Variants in IMPG1 observed in about 807,000 individuals in gnomAD.
IMPG1 encodes interphotoreceptor matrix proteoglycan of 150 kDa.
IMPG1 carries 85 observed loss-of-function variants against 92.0 expected under a neutral mutation model. The observed-to-expected ratio is 0.92, with a 90% CI of 0.78 to 1.11. IMPG1 has a LOEUF of 1.11. Ranked by LOEUF, IMPG1 falls within the 50% of genes least tolerant of loss-of-function variation. The pLI, the probability that IMPG1 is intolerant of heterozygous loss-of-function variation, is 0.00. For missense variants in IMPG1, 1,022 were observed against 956.0 expected, an observed-to-expected ratio of 1.07 and a Z score of -0.91; for synonymous variants, 367 against 334.1, an observed-to-expected ratio of 1.10 and a Z score of -1.08.
intron 12 of IMPG1, among the ~76,000 whole-genome samples, chr6:75,991,203 AAC>A (rs1782808093): frequency 6.6e-6 from 1 of 152,146 alleles, no homozygotes; most frequent in South Asian, 2.1e-4. Context: ...CTATCCTGGT[AAC>A]ACAGTGAAAC....
chr6:76,023,383 A>G (rs1783467698), intron 5 of IMPG1, among the ~76,000 whole-genome samples: 1 of 152,250 alleles, frequency 6.6e-6, no homozygotes, highest in African/African-American at 2.4e-5. Flanking sequence ...ACAATAAAAA[A>G]GTACTTAGCT....
intron 13 of IMPG1, among the ~76,000 whole-genome samples, chr6:75,949,856 T>A (rs1344536832): frequency 6.6e-6 from 1 of 152,178 alleles, no homozygotes; most frequent in African/African-American, 2.4e-5. Context: ...AGTATAAAAT[T>A]TTTTATTTAT....
intron 12 of IMPG1, among the ~76,000 whole-genome samples, chr6:75,962,965 T>C (rs933191739): frequency 1.3e-5 from 2 of 151,506 alleles, no homozygotes; most frequent in African/African-American, 4.9e-5. Flanking sequence ...CACTTGAACC[T>C]GGGAGGCGGA....
intron 12 of IMPG1, among the ~76,000 whole-genome samples, chr6:75,994,264 T>G (rs1198080930): frequency 6.6e-6 from 1 of 152,218 alleles, no homozygotes; most frequent in Non-Finnish European, 1.5e-5. Context: ...CATGCATAGC[T>G]GCCTCTAGCT....
chr6:76,072,141 T>C (rs559061431), intron 1 of IMPG1, among the ~76,000 whole-genome samples: 14 of 152,284 alleles, frequency 9.2e-5, no homozygotes, highest in South Asian at 2.1e-4. Context: ...TTTACATTAA[T>C]AATAAGAATT....
chr6:75,999,872 T>C (rs1782959798), intron 12 of IMPG1, among the ~76,000 whole-genome samples: 1 of 152,206 alleles, frequency 6.6e-6, no homozygotes, highest in Non-Finnish European at 1.5e-5. Flanking sequence ...GCAAAATCAA[T>C]TCTTGAATTA....
chr6:75,924,438 TTA>T (rs1781486152), intron 15 of IMPG1, among the ~76,000 whole-genome samples: 1 of 112,884 alleles, frequency 8.9e-6, no homozygotes, highest in Admixed American at 1.4e-4. Context: ...ATTAATATAA[TTA>T]TATAATATAA....
intron 12 of IMPG1, among the ~76,000 whole-genome samples, chr6:75,990,084 G>C (rs772213819): frequency 1.3e-5 from 2 of 152,086 alleles, no homozygotes; most frequent in African/African-American, 2.4e-5. Context: ...AAAACAAATA[G>C]ATGTATTCAT....
chr6:75,928,155 A>G (rs1436791751), intron 15 of IMPG1, among the ~76,000 whole-genome samples: 1 of 152,052 alleles, frequency 6.6e-6, no homozygotes, highest in African/African-American at 2.4e-5. Context: ...ACTTTAATCC[A>G]GCCTGTTCAT....
At chr6:76,019,783 C>T (rs1468305118) in intron 6 of IMPG1, among the ~76,000 whole-genome samples, 1 of 152,140 alleles carries the variant, frequency 6.6e-6, no homozygotes, top group African/African-American at 2.4e-5. Flanking sequence ...AGAAGTATTC[C>T]ATTTTGTTAG....
intron 12 of IMPG1, among the ~76,000 whole-genome samples, 160 bp from the exon 13 acceptor site, chr6:75,951,254 A>G (rs527274191): frequency 1.3e-5 from 2 of 152,162 alleles, no homozygotes; most frequent in East Asian, 3.9e-4. Context: ...AGAAATTGGA[A>G]CAGAAAGGGC....
rs1783078951 is a variant in IMPG1 at position 76,005,444 on chromosome 6, A to T, written c.978T>A (p.Asp326Glu). 1 of 1,613,928 alleles carries T rather than the reference A, an allele frequency of 6.2e-7. No homozygotes were observed. The highest frequency in any genetic ancestry group is 8.5e-7 in the Non-Finnish European group (1 of 1,179,994). Reference sequence around the variant, plus strand: ...CTTCCTCACTTTCAATTTTGTTGGAATCAAAAGACAGGAGGTCACTTGCAG... The same window carrying T: ...CTTCCTCACTTTCAATTTTGTTGGATTCAAAAGACAGGAGGTCACTTGCAG... ...KSPASDLLSF[D>E]SNKIESEEVY... The change falls in exon 10 of 17, where the codon GAT becomes GAA. Residue 326 changes from aspartate (D) to glutamate (E), a missense_variant. Physicochemically the swap from Asp to Glu is conservative, Grantham distance 45. Around this residue, in one of 3 missense-constraint regions of IMPG1, gnomAD observed 681 missense variants for 583.6 expected, o/e 1.17. Transcript: ENST00000369950.
chr6:76,043,944 T>C (rs1783889453), intron 1 of IMPG1, among the ~76,000 whole-genome samples: 1 of 152,198 alleles, frequency 6.6e-6, no homozygotes, highest in Non-Finnish European at 1.5e-5. Flanking sequence ...GCCTTTCCCT[T>C]AGGTTTGGCT....
chr6:76,020,765 G>A (rs998690701), intron 6 of IMPG1, among the ~76,000 whole-genome samples: 4 of 152,124 alleles, frequency 2.6e-5, no homozygotes, highest in Admixed American at 2.0e-4. Context: ...AAGGGGTTTG[G>A]GGAGTCATGC....
At chr6:75,922,527 C>A (rs765887849) in intron 16 of IMPG1, among the ~76,000 whole-genome samples, 1 of 152,154 alleles carries the variant, frequency 6.6e-6, no homozygotes, top group Non-Finnish European at 1.5e-5. Flanking sequence ...ACACAGAAAT[C>A]CACATAGCCA....
chr6:75,952,414 T>C (rs1381330103), intron 12 of IMPG1, among the ~76,000 whole-genome samples: 1 of 152,140 alleles, frequency 6.6e-6, no homozygotes, highest in East Asian at 1.9e-4. Flanking sequence ...GCTCTGAAAG[T>C]TGGAATCATA....
intron 12 of IMPG1, among the ~76,000 whole-genome samples, chr6:75,965,722 C>T (rs1048355643): frequency 1.8e-4 from 27 of 150,804 alleles, no homozygotes; most frequent in African/African-American, 5.4e-4. Flanking sequence ...ATTCTCCTGC[C>T]TCAGCCTCCT....
intron 1 of IMPG1, among the ~76,000 whole-genome samples, chr6:76,043,574 ACCCATAAATCAT>A (rs1437920630): frequency 6.6e-6 from 1 of 152,164 alleles, no homozygotes; most frequent in African/African-American, 2.4e-5. Context: ...GACACACTAG[ACCCATAAATCAT>A]AATCTCTGTG....
chr6:75,965,875 A>G (rs62414855), intron 12 of IMPG1, among the ~76,000 whole-genome samples: 5,595 of 152,094 alleles, frequency 0.037, 131 homozygotes, highest in Non-Finnish European at 0.05. Context: ...CCAAAGTGCT[A>G]GGATTACAGG....
Sources: allele counts gnomAD v4.1 joint callset (sites outside exome capture counted in the v4.1 genomes callset), GRCh38; gene constraint gnomAD v4.1.1; regional missense constraint gnomAD v4.1.1; transcripts MANE v1.5; gene names NCBI Gene and HGNC (gene_info 2026-07-23, HGNC 2026-07-21).